The following DEPDC5 variants were observed in gnomAD, a reference collection of about 807,000 sequenced individuals.
The protein encoded by DEPDC5 is DEP domain containing 5, GATOR1 subcomplex subunit.
DEPDC5 carries 73 observed loss-of-function variants against 217.3 expected under a neutral mutation model. The ratio of observed to expected loss-of-function variants is 0.34; its 90% CI spans 0.28 to 0.41. The LOEUF is 0.41. Among genes scored for constraint, DEPDC5 ranks in the 10% least tolerant of loss-of-function variants. The pLI is 1.00. For synonymous variants in DEPDC5, 733 were observed against 756.7 expected (o/e 0.97, Z 0.51); for missense variants, 1,675 against 2,070.1 (o/e 0.81, Z 3.70).
At chr22:31,867,200 C>A (rs1371276085) in intron 33 of DEPDC5, among the ~76,000 whole-genome samples, 1 of 152,196 alleles carries the variant, frequency 6.6e-6, no homozygotes, top group Non-Finnish European at 1.5e-5. Context: ...CACCACTGAT[C>A]TTATTCCAAA....
chr22:31,867,473 G>A (rs114850951), intron 33 of DEPDC5, among the ~76,000 whole-genome samples: 117 of 152,276 alleles, frequency 7.7e-4, no homozygotes, highest in African/African-American at 2.7e-3. Flanking sequence ...CCTGGTATTA[G>A]GATCTAAACA....
chr22:31,900,665 G>A (rs1019962882), intron 40 of DEPDC5, among the ~76,000 whole-genome samples: 2 of 152,146 alleles, frequency 1.3e-5, no homozygotes, highest in African/African-American at 2.4e-5. Flanking sequence ...CTTGAGCCTG[G>A]GAGGCAGAGG....
At position 31,806,108 on chromosome 22, in the gene DEPDC5, T is replaced by G. The variant is rs1330575833; in HGVS notation, c.1218-14T>G. 1 of 1,605,760 alleles carries G rather than the reference T, an allele frequency of 6.2e-7. No homozygotes were observed. Reference sequence around the variant, plus strand: ...GGGAATTTAGATTAATGACTCTGTTTGTTTCTTTTACAGTTTCTACACATC... The same window carrying G: ...GGGAATTTAGATTAATGACTCTGTTGGTTTCTTTTACAGTTTCTACACATC... On this transcript the variant is annotated splice_polypyrimidine_tract_variant and intron_variant, in intron 17 of 42. Coordinates refer to ENST00000651528, the MANE Select transcript of DEPDC5 (RefSeq NM_001242896.3).
intron 4 of DEPDC5, among the ~76,000 whole-genome samples, chr22:31,763,014 G>A (rs1172460239): frequency 1.3e-5 from 2 of 150,716 alleles, no homozygotes; most frequent in Admixed American, 1.3e-4. Flanking sequence ...TTTTTGAGAT[G>A]GAGTCTCACT....
intron 6 of DEPDC5, 36 bp downstream of exon 6, chr22:31,766,704 T>C: frequency 6.3e-7 from 1 of 1,577,030 alleles, no homozygotes; most frequent in Admixed American, 1.7e-5. Flanking sequence ...CTGTTACTTT[T>C]TCCATTATGT....
At chr22:31,900,101 C>T (rs909660292) in intron 40 of DEPDC5, among the ~76,000 whole-genome samples, 13 of 152,092 alleles carry the variant, frequency 8.5e-5, no homozygotes, top group Non-Finnish European at 1.6e-4. Context: ...GGCTGGAGTG[C>T]AGTGGCGCAA....
In DEPDC5 at chr22:31,906,829, A is replaced by G; in HGVS notation, c.*332A>G. 2 of 432,396 alleles carry G rather than the reference A, an allele frequency of 4.6e-6. No individual in the cohort carries two copies. The highest frequency in any genetic ancestry group is 8.4e-6 in the Non-Finnish European group (2 of 238,068). 26.8% of individuals were successfully genotyped at this position (432,396 alleles called of 1,614,324 possible). On this transcript the variant is annotated 3_prime_UTR_variant, in exon 43 of 43. Transcript: ENST00000651528. The surrounding 1 kb of genome is among the most constrained non-coding windows in gnomAD (Gnocchi z 5.1). ...GGCGGCCCCCATGAATGTCCTCGGA[A>G]GGGGGTGGCTCCTGGTAGCATCCTT...
At chr22:31,899,265 CCTCTT>C (rs1462886089) in intron 40 of DEPDC5, among the ~76,000 whole-genome samples, 6 of 152,318 alleles carry the variant, frequency 3.9e-5, no homozygotes, top group African/African-American at 1.4e-4. Context: ...TGCTTCTGTG[CCTCTT>C]CTCTTTTTGT....
At chr22:31,811,067 G>A (rs987085829) in intron 20 of DEPDC5, among the ~76,000 whole-genome samples, 1 of 151,898 alleles carries the variant, frequency 6.6e-6, no homozygotes, top group African/African-American at 2.4e-5. Context: ...GAGCCACTGT[G>A]CCTGGCTTGT....
At chr22:31,861,193 T>A (rs2092497932) in intron 32 of DEPDC5, among the ~76,000 whole-genome samples, 175 bp from the exon 33 acceptor site, 4 of 151,338 alleles carry the variant, frequency 2.6e-5, no homozygotes, top group South Asian at 4.2e-4. Context: ...TTTTTTTTTT[T>A]AATTTTCCCT....
intron 24 of DEPDC5, among the ~76,000 whole-genome samples, chr22:31,828,720 T>G (rs1287710402): frequency 6.6e-6 from 1 of 152,198 alleles, no homozygotes; most frequent in East Asian, 1.9e-4. Context: ...TTCTTCAAAC[T>G]CACTAAACTC....
intron 38 of DEPDC5, among the ~76,000 whole-genome samples, chr22:31,885,200 A>G (rs1328694302): frequency 6.6e-6 from 1 of 152,208 alleles, no homozygotes; most frequent in African/African-American, 2.4e-5. Flanking sequence ...AACCAAAGCT[A>G]GAGTTTTCAG....
At chr22:31,830,430 G>A (rs2090504408) in intron 24 of DEPDC5, among the ~76,000 whole-genome samples, 3 of 152,240 alleles carry the variant, frequency 2.0e-5, no homozygotes, top group East Asian at 3.8e-4. Context: ...AGGCTGGTGG[G>A]ACTCTTCATA....
chr22:31,876,019 A>G lies in DEPDC5; in HGVS notation c.3697-138A>G, dbSNP rs2092982489. 3 of 647,724 alleles carry G rather than the reference A, an allele frequency of 4.6e-6. No homozygotes were observed. In the South Asian group the frequency reaches 6.2e-5, roughly 13 times the overall value. The allele number at this position is 647,724 out of a possible 1,614,324, so 40.1% of individuals were successfully genotyped here. On this transcript the variant is annotated intron_variant, in intron 36 of 42. Coordinates refer to ENST00000651528, the MANE Select transcript of DEPDC5 (RefSeq NM_001242896.3). ...TTTTAAAATATAATTTATATCAAGT[A>G]CAACATGTCTAATCTGGGGGTGGAG...
At chr22:31,775,720 C>T (rs1022799261) in intron 7 of DEPDC5, among the ~76,000 whole-genome samples, 7 of 152,040 alleles carry the variant, frequency 4.6e-5, no homozygotes, top group African/African-American at 1.7e-4. Context: ...GAACAGTTTC[C>T]CCACATTATC....
intron 36 of DEPDC5, 148 bp downstream of exon 36, chr22:31,874,553 G>T: frequency 1.0e-6 from 1 of 978,816 alleles, no homozygotes. Context: ...TTCTGGAATT[G>T]ATGAAAGAAC....
At chr22:31,857,038 G>A (rs530166017) in intron 31 of DEPDC5, among the ~76,000 whole-genome samples, 7 of 152,090 alleles carry the variant, frequency 4.6e-5, no homozygotes, top group Non-Finnish European at 7.4e-5. Context: ...ACCAAAGTGC[G>A]GGGTTTACAG....
chr22:31,796,388 C>T (rs1273012649), intron 12 of DEPDC5, among the ~76,000 whole-genome samples: 2 of 152,180 alleles, frequency 1.3e-5, no homozygotes, highest in Non-Finnish European at 2.9e-5. Flanking sequence ...CAGGCGTTAG[C>T]CACTGCCTGG....
intron 4 of DEPDC5, among the ~76,000 whole-genome samples, chr22:31,764,214 G>T (rs761848221): frequency 6.6e-6 from 1 of 152,040 alleles, no homozygotes; most frequent in Admixed American, 6.6e-5. Flanking sequence ...GATTTTAAAA[G>T]AATTCTATAA....
Sources: gnomAD v4.1 joint callset for allele counts (sites outside exome capture counted in the v4.1 genomes callset) on GRCh38, gnomAD v4.1.1 for gene constraint, Gnocchi (gnomAD v3.1) non-coding constraint, MANE v1.5 for transcripts, NCBI Gene and HGNC (gene_info 2026-07-23, HGNC 2026-07-21) for gene names.